The following SLC2A9 variants were observed in gnomAD, a reference collection of about 807,000 sequenced individuals.
SLC2A9 encodes solute carrier family 2 member 9, also known as solute carrier family 2, facilitated glucose transporter member 9.
In SLC2A9, 39 loss-of-function variants were observed where a neutral mutation model predicts 50.6. That is an observed-to-expected ratio of 0.77 (90% CI 0.60 to 1.01). SLC2A9 has a LOEUF of 1.01. SLC2A9 is among the 50% of genes least tolerant of loss of function. The pLI, the probability that SLC2A9 is intolerant of heterozygous loss-of-function variation, is 0.00. For missense variants in SLC2A9, 686 were observed against 677.6 expected (o/e 1.01, Z -0.14); for synonymous variants, 324 against 276.9 (o/e 1.17, Z -1.69).
chr4:10,012,138 C>G (rs73805486), intron 2 of SLC2A9, among the ~76,000 whole-genome samples: 1 of 152,204 alleles, frequency 6.6e-6, no homozygotes, highest in African/African-American at 2.4e-5. Context: ...AAACCACGCA[C>G]TATCTGGACC....
chr4:9,887,228 A>T (rs1256233681), intron 10 of SLC2A9, among the ~76,000 whole-genome samples: 3 of 152,260 alleles, frequency 2.0e-5, no homozygotes, highest in Non-Finnish European at 4.4e-5. Flanking sequence ...CATAGACGGT[A>T]ACTGCTTAGG....
At chr4:9,876,843 C>T (rs982324842) in intron 10 of SLC2A9, among the ~76,000 whole-genome samples, 3 of 152,084 alleles carry the variant, frequency 2.0e-5, no homozygotes, top group Non-Finnish European at 2.9e-5. Flanking sequence ...ACCTTCTGTA[C>T]GAATTCATTT....
chr4:9,933,148 T>C (rs1009348341), intron 6 of SLC2A9, among the ~76,000 whole-genome samples: 6 of 152,228 alleles, frequency 3.9e-5, no homozygotes, highest in African/African-American at 1.4e-4. Context: ...ATCTGGGATA[T>C]GCATGGTGTG....
intron 6 of SLC2A9, among the ~76,000 whole-genome samples, chr4:9,925,106 C>A (rs1372082381): frequency 6.6e-6 from 1 of 152,216 alleles, no homozygotes; most frequent in East Asian, 1.9e-4. Context: ...TTGGCTGCTG[C>A]CCTGGAAAAG....
intron 5 of SLC2A9, among the ~76,000 whole-genome samples, chr4:9,965,413 T>C (rs1752908467): frequency 6.6e-6 from 1 of 152,232 alleles, no homozygotes; most frequent in Admixed American, 6.5e-5. Flanking sequence ...ATTATTGTGA[T>C]ATAATAAAAA....
At chr4:9,787,845 G>A (rs1204788525) in intron 3 of SLC2A9, among the ~76,000 whole-genome samples, 2 of 152,176 alleles carry the variant, frequency 1.3e-5, no homozygotes, top group African/African-American at 2.4e-5. Flanking sequence ...GTAGCTCATG[G>A]CATGAGGGGC....
At position 9,908,262 on chromosome 4, in the gene SLC2A9, G is replaced by A; in HGVS notation, c.1086C>T (p.Gly362=). 1.2e-6 allele frequency: 2 copies of A among 1,613,764 alleles called. No homozygotes were observed. Among genetic ancestry groups the A allele is most frequent in the East Asian group, 2.2e-5 (1 of 44,884 alleles). The part of the protein sequence containing the change: ...KIPYVTLSTG[G]IETLAAVFSG... The stretch of plus-strand genomic sequence containing the variant: ...AGAAGACGGCAGCCAAAGTCTCGAT[G>A]CCCCCTGTACTCAAGGTGACGTATG... The change falls in exon 8 of 12, where the codon GGC becomes GGT. Residue 362 remains glycine (G), a synonymous_variant. Coordinates refer to ENST00000264784, the MANE Select transcript of SLC2A9 (RefSeq NM_020041.3).
intron 7 of SLC2A9, 92 bp from the exon 8 acceptor site, chr4:9,908,437 G>T (rs1350076051): frequency 1.1e-6 from 1 of 879,882 alleles, no homozygotes; most frequent in East Asian, 2.6e-5. Flanking sequence ...GTGGTCTCTG[G>T]ATTAAACTCA....
intron 3 of SLC2A9, among the ~76,000 whole-genome samples, chr4:9,803,182 A>G: frequency 6.6e-6 from 1 of 152,336 alleles, no homozygotes; most frequent in East Asian, 1.9e-4. Context: ...TTTCTCATCT[A>G]TTAAATAAGG....
At chr4:9,827,168 T>C (rs1228368510) in intron 11 of SLC2A9, among the ~76,000 whole-genome samples, 1 of 152,242 alleles carries the variant, frequency 6.6e-6, no homozygotes, top group East Asian at 1.9e-4. Context: ...GTTTTATGTA[T>C]CCTGATTAGT....
At chr4:9,931,853 G>C (rs1278736729) in intron 6 of SLC2A9, among the ~76,000 whole-genome samples, 1 of 149,780 alleles carries the variant, frequency 6.7e-6, no homozygotes, top group Non-Finnish European at 1.5e-5. Flanking sequence ...ACTACCACTT[G>C]AGTTGGTGGG....
At chr4:9,783,537 A>T in intron 3 of SLC2A9, 1 of 1,368,342 alleles carries the variant, frequency 7.3e-7, no homozygotes. Flanking sequence ...ACACGCAAAT[A>T]CATGCCTTTC....
At chr4:10,031,234 G>C (rs1333489570) in intron 1 of SLC2A9, among the ~76,000 whole-genome samples, 1 of 152,322 alleles carries the variant, frequency 6.6e-6, no homozygotes, top group East Asian at 1.9e-4. Context: ...AGACACAAAA[G>C]GATAGAGTTT....
intron 6 of SLC2A9, among the ~76,000 whole-genome samples, chr4:9,922,523 C>T (rs1744124484): frequency 6.6e-6 from 1 of 152,070 alleles, no homozygotes. Context: ...TCAATTTAAC[C>T]TTCCTATTGT....
At chr4:9,915,615 A>G (rs1742722348) in intron 7 of SLC2A9, among the ~76,000 whole-genome samples, 2 of 152,206 alleles carry the variant, frequency 1.3e-5, no homozygotes. Context: ...AGGAGTCATG[A>G]CAACTTGTCC....
At chr4:9,916,868 A>C (rs56223908) in intron 7 of SLC2A9, among the ~76,000 whole-genome samples, 8,738 of 152,134 alleles carry the variant, frequency 0.057, 321 homozygotes, top group Non-Finnish European at 0.089. Flanking sequence ...TCCTGCCCTC[A>C]CCTCCTTTTC....
At chr4:9,967,785 A>C (rs1363628039) in intron 5 of SLC2A9, among the ~76,000 whole-genome samples, 2 of 151,324 alleles carry the variant, frequency 1.3e-5, no homozygotes, top group Non-Finnish European at 2.9e-5. Flanking sequence ...TTTTTCCTAA[A>C]ATAAAGTGAC....
intron 2 of SLC2A9, among the ~76,000 whole-genome samples, chr4:10,018,561 T>TG (rs1553915023): frequency 4.1e-5 from 2 of 48,506 alleles, no homozygotes; most frequent in Non-Finnish European, 5.8e-5. Flanking sequence ...GATAGATAGA[T>TG]AGATAGATAG....
chr4:9,996,515 C>G (rs571388439), intron 3 of SLC2A9, among the ~76,000 whole-genome samples: 1 of 152,308 alleles, frequency 6.6e-6, no homozygotes, highest in African/African-American at 2.4e-5. Flanking sequence ...GGCATTTCTT[C>G]CCTGCTCCTC....
Sources: gnomAD v4.1 joint callset for allele counts (sites outside exome capture counted in the v4.1 genomes callset) on GRCh38, gnomAD v4.1.1 for gene constraint, MANE v1.5 for transcripts, NCBI Gene and HGNC (gene_info 2026-07-23, HGNC 2026-07-21) for gene names.